The following RYR2 variants were observed in gnomAD, a reference collection of about 807,000 sequenced individuals.
The protein encoded by RYR2 is cardiac muscle ryanodine receptor-calcium release channel.
A neutral mutation model predicts 601.1 loss-of-function variants in RYR2; 227 were observed. The ratio of observed to expected loss-of-function variants is 0.38; its 90% CI spans 0.34 to 0.42. RYR2 has a LOEUF of 0.42. Among genes scored for constraint, RYR2 ranks in the 10% least tolerant of loss-of-function variants. The pLI, the probability that RYR2 is intolerant of heterozygous loss-of-function variation, is 1.00. For synonymous variants in RYR2, 2,223 were observed against 2,175.1 expected (o/e 1.02, Z -0.61); for missense variants, 4,646 against 6,156.5 (o/e 0.75, Z 8.21).
At chr1:237,800,285 C>T (rs1465869048) in intron 97 of RYR2, among the ~76,000 whole-genome samples, 1 of 151,950 alleles carries the variant, frequency 6.6e-6, no homozygotes, top group Non-Finnish European at 1.5e-5. Context: ...TACATTTTTT[C>T]CCCCAACTCT....
At chr1:237,342,928 G>T (rs1029040848) in intron 3 of RYR2, among the ~76,000 whole-genome samples, 3 of 152,198 alleles carry the variant, frequency 2.0e-5, no homozygotes, top group Non-Finnish European at 2.9e-5. Context: ...AGAAAAGTAG[G>T]CCAGGCGCTG....
In RYR2 at chr1:237,400,963, C is replaced by T. The variant is rs142061245; in HGVS notation, c.773+12780C>T. ...TGTACAAATCTCCCTAAAGAAGAGG[C>T]GTGTTTGGTGGGACCTCAAAGAACT... On this transcript the variant is annotated intron_variant, in intron 10 of 104. Coordinates refer to ENST00000366574, the MANE Select transcript of RYR2 (RefSeq NM_001035.3). Among the ~76,000 whole-genome samples, 358 of 152,240 alleles carry T rather than the reference C, an allele frequency of 2.4e-3. 4 individuals carry two copies. The highest frequency in any genetic ancestry group is 8.3e-3 in the African/African-American group (343 of 41,550).
intron 3 of RYR2, among the ~76,000 whole-genome samples, chr1:237,344,268 G>C (rs1023681216): frequency 1.3e-5 from 2 of 152,178 alleles, no homozygotes; most frequent in Non-Finnish European, 2.9e-5. Context: ...CTTGGATCTA[G>C]GTCTTTAACT....
chr1:237,514,789 G>A (rs1434289729), intron 24 of RYR2, among the ~76,000 whole-genome samples: 3 of 152,114 alleles, frequency 2.0e-5, no homozygotes, highest in African/African-American at 7.2e-5. Context: ...GTAGAATGAG[G>A]ATCATAATGT....
intron 11 of RYR2, 39 bp from the exon 12 acceptor site, chr1:237,423,053 G>A: frequency 6.3e-7 from 1 of 1,584,968 alleles, no homozygotes; most frequent in Admixed American, 1.9e-5. Flanking sequence ...TTCTGTGATT[G>A]TGGGTGCTAT....
chr1:237,607,299 C>A (rs940344152), intron 35 of RYR2, among the ~76,000 whole-genome samples: 2 of 151,988 alleles, frequency 1.3e-5, no homozygotes, highest in African/African-American at 2.4e-5. Context: ...CTGGAAACCA[C>A]AATTCTCAGC....
At chr1:237,788,418 G>A (rs997707012) in intron 92 of RYR2, among the ~76,000 whole-genome samples, 2 of 152,150 alleles carry the variant, frequency 1.3e-5, no homozygotes, top group Admixed American at 6.5e-5. Flanking sequence ...TGCCCACAAA[G>A]ACATTAGGAC....
At chr1:237,048,466 G>A (rs531027710) in intron 1 of RYR2, among the ~76,000 whole-genome samples, 51 of 151,248 alleles carry the variant, frequency 3.4e-4, no homozygotes, top group Non-Finnish European at 6.2e-4. Context: ...CCTAGAATCC[G>A]CCTGCCATTT....
chr1:237,724,687 A>T (rs1037221978), intron 74 of RYR2, among the ~76,000 whole-genome samples: 1 of 152,044 alleles, frequency 6.6e-6, no homozygotes, highest in Non-Finnish European at 1.5e-5. Flanking sequence ...AGTGATTTAT[A>T]TAAAGTCATA....
At position 237,569,136 on chromosome 1, in the gene RYR2, T is replaced by C. The variant is rs774495362; in HGVS notation, c.3424-9T>C. ...TCTGTGACAAGGGACTTTTCTGTCC[T>C]CTGTATAGGCCCAGCGGTGGCATCA... On this transcript the variant is annotated splice_polypyrimidine_tract_variant and intron_variant, in intron 28 of 104. Transcript: ENST00000366574. 2 of 1,607,826 alleles carry C rather than the reference T, an allele frequency of 1.2e-6. No homozygotes were observed. Among genetic ancestry groups the C allele is most frequent in the South Asian group, 1.1e-5 (1 of 90,514 alleles).
intron 6 of RYR2, among the ~76,000 whole-genome samples, chr1:237,370,885 C>T (rs1473031184): frequency 6.6e-6 from 1 of 152,156 alleles, no homozygotes; most frequent in Non-Finnish European, 1.5e-5. Flanking sequence ...TGGTCTCGAT[C>T]TCCTGACCTG....
At chr1:237,248,066 G>GT (rs1193230684) in intron 1 of RYR2, among the ~76,000 whole-genome samples, 1 of 152,118 alleles carries the variant, frequency 6.6e-6, no homozygotes, top group African/African-American at 2.4e-5. Flanking sequence ...GAGGTCAGAA[G>GT]TTTGAGCCCA....
At chr1:237,670,986 G>A (rs566277603) in intron 58 of RYR2, among the ~76,000 whole-genome samples, 6 of 152,114 alleles carry the variant, frequency 3.9e-5, no homozygotes, top group Non-Finnish European at 7.4e-5. Context: ...GAGCCAGATC[G>A]ATATTTTCTT....
chr1:237,805,136 A>C (rs1158542972), intron 98 of RYR2, among the ~76,000 whole-genome samples: 2 of 152,200 alleles, frequency 1.3e-5, no homozygotes, highest in Non-Finnish European at 2.9e-5. Flanking sequence ...GAAGTCAATA[A>C]ATGTTTCTCT....
At chr1:237,551,252 G>A (rs550603809) in intron 27 of RYR2, among the ~76,000 whole-genome samples, 9 of 152,216 alleles carry the variant, frequency 5.9e-5, no homozygotes, top group South Asian at 2.1e-4. Context: ...AGTTTAGGCC[G>A]GGCATGGTGG....
Position 237,500,849 on chromosome 1 carries a change from A to G in RYR2, c.2342A>G (p.Asn781Ser). Residue 781 changes from asparagine to serine, a missense_variant, in exon 21 of 105, where the codon AAT (asparagine) becomes AGT (serine). This residue lies in a region of RYR2 where 1,807 missense variants were observed against 2,088.1 expected (regional missense o/e 0.87). Coordinates refer to ENST00000366574, the MANE Select transcript of RYR2 (RefSeq NM_001035.3). ...CAACCTGTTCAAGGAATGTTTGAGA[A>G]TTTCAACATCGATGGCCTCTTCTTT... ...NGQPVQGMFE[N>S]FNIDGLFFPV... 2.5e-6 allele frequency: 4 copies of G among 1,614,036 alleles called. No individual in the cohort carries two copies. Among genetic ancestry groups the G allele is most frequent in the Non-Finnish European group, 3.4e-6 (4 of 1,179,898 alleles).
intron 1 of RYR2, among the ~76,000 whole-genome samples, chr1:237,172,225 CA>C (rs1472647013): frequency 6.6e-6 from 1 of 152,160 alleles, no homozygotes; most frequent in Non-Finnish European, 1.5e-5. Context: ...TAAGCAGTTT[CA>C]TTAGACTTTG....
rs1680571445 is a variant in RYR2, at chr1:237,633,670, T to A, written c.6648T>A (p.Asp2216Glu). ...GGCAGAATCAAAAAGCTATGTTTGATCATCTCAGTTATTTACTGGAAAACA... is the reference window on the plus strand; with the variant it reads ...GGCAGAATCAAAAAGCTATGTTTGAACATCTCAGTTATTTACTGGAAAACA... ...ISRQNQKAMF[D>E]HLSYLLENSS... The change falls in exon 43 of 105, where the codon GAT becomes GAA. Residue 2216 changes from aspartate to glutamate, a missense_variant. Asp to Glu is a conservative substitution (Grantham distance 45). Coordinates refer to ENST00000366574, the MANE Select transcript of RYR2 (RefSeq NM_001035.3). 2.5e-6 allele frequency: 4 copies of A among 1,613,986 alleles called. No individual in the cohort carries two copies. Among genetic ancestry groups the A allele is most frequent in the Non-Finnish European group, 3.4e-6 (4 of 1,179,844 alleles).
chr1:237,643,285 A>G (rs753764958), intron 47 of RYR2, 42 bp from the exon 48 acceptor site: 3 of 1,599,602 alleles, frequency 1.9e-6, no homozygotes, highest in South Asian at 1.1e-5. Flanking sequence ...TGTAACATTG[A>G]TGTCACAAAG....
Sources: allele counts gnomAD v4.1 joint callset (sites outside exome capture counted in the v4.1 genomes callset), GRCh38; gene constraint gnomAD v4.1.1; regional missense constraint gnomAD v4.1.1; transcripts MANE v1.5; gene names NCBI Gene and HGNC (gene_info 2026-07-23, HGNC 2026-07-21).